Variants in SLAIN2 observed in about 807,000 individuals in gnomAD.
SLAIN2 encodes the protein SLAIN motif-containing protein 2.
A neutral mutation model predicts 56.6 loss-of-function variants in SLAIN2; 31 were observed. The ratio of observed to expected loss-of-function variants is 0.55; its 90% CI spans 0.41 to 0.74. The LOEUF (loss-of-function observed/expected upper bound fraction) is 0.74. Among genes scored for constraint, SLAIN2 ranks in the 30% least tolerant of loss-of-function variants. The probability of loss-of-function intolerance (pLI) is 0.00; values close to 1 mark genes in which losing one functional copy is unlikely to be tolerated. For synonymous variants in SLAIN2, 317 were observed against 284.9 expected (o/e 1.11, Z -1.13); for missense variants, 777 against 754.2 (o/e 1.03, Z -0.35).
At chr4:48,384,036 A>C (rs576204551) in intron 6 of SLAIN2, among the ~76,000 whole-genome samples, 3 of 152,238 alleles carry the variant, frequency 2.0e-5, no homozygotes, top group African/African-American at 7.2e-5. Context: ...CCAGAATTTT[A>C]AAATAAGCAA....
At chr4:48,342,190 C>T (rs1476244094) in intron 1 of SLAIN2, 62 bp downstream of exon 1, 2 of 1,328,088 alleles carry the variant, frequency 1.5e-6, no homozygotes, top group South Asian at 2.0e-5. Flanking sequence ...AGAGCGTCCT[C>T]TGAGGGTCCC....
chr4:48,363,732 G>T (rs1715408981), intron 1 of SLAIN2, among the ~76,000 whole-genome samples: 1 of 109,008 alleles, frequency 9.2e-6, no homozygotes, highest in Non-Finnish European at 2.2e-5. Flanking sequence ...CGGGGCGGCT[G>T]GCCAGGCGGG....
intron 1 of SLAIN2, among the ~76,000 whole-genome samples, chr4:48,366,821 G>GC (rs1553902595): frequency 6.6e-6 from 1 of 151,874 alleles, no homozygotes; most frequent in Non-Finnish European, 1.5e-5. Context: ...AGTAATGTTT[G>GC]TTTTTTTAAG....
intron 7 of SLAIN2, 89 bp downstream of exon 7, chr4:48,420,532 T>C: frequency 7.0e-7 from 1 of 1,436,666 alleles, no homozygotes; most frequent in Non-Finnish European, 9.5e-7. Flanking sequence ...TGTTTGATAG[T>C]AAACAGAAAG....
Position 48,425,503 on chromosome 4 carries a change from C to T in SLAIN2, c.*3426C>T, listed in dbSNP as rs2109795611. 1 of 152,166 alleles carries T rather than the reference C, an allele frequency of 6.6e-6. No individual in the cohort carries two copies. The highest frequency in any genetic ancestry group is 1.9e-4 in the East Asian group (1 of 5,174). The allele number at this position is 152,166 out of a possible 1,614,324, so 9.4% of individuals were successfully genotyped here. A position where few individuals can be genotyped will look rare whatever the true frequency, so the allele number is the denominator to read the frequency against. On this transcript the variant is annotated 3_prime_UTR_variant, in exon 8 of 8. Coordinates refer to ENST00000264313, the MANE Select transcript of SLAIN2 (RefSeq NM_020846.2). ...ATTGTACACTGTTTAATGAGTTCTC[C>T]ATATTCCTTTAGGAGATATTTGCTT... is the stretch of plus-strand genomic sequence containing the variant.
At chr4:48,398,807 A>T (rs534572164) in intron 6 of SLAIN2, among the ~76,000 whole-genome samples, 2 of 152,066 alleles carry the variant, frequency 1.3e-5, no homozygotes, top group African/African-American at 4.8e-5. Flanking sequence ...ATGGCTGTAG[A>T]TGTGCAGTCT....
intron 1 of SLAIN2, among the ~76,000 whole-genome samples, chr4:48,347,271 T>A (rs1243072594): frequency 1.3e-5 from 2 of 152,126 alleles, no homozygotes; most frequent in African/African-American, 2.4e-5. Flanking sequence ...AATTTTTCTG[T>A]GGACCAGGGG....
chr4:48,377,466 A>G (rs1715851979), intron 2 of SLAIN2, among the ~76,000 whole-genome samples: 1 of 151,480 alleles, frequency 6.6e-6, no homozygotes, highest in South Asian at 2.1e-4. Flanking sequence ...GGCATGAGCC[A>G]CCGTGCCTGG....
At chr4:48,404,413 T>G (rs115476221) in intron 6 of SLAIN2, among the ~76,000 whole-genome samples, 1,291 of 94,742 alleles carry the variant, frequency 0.014, 14 homozygotes, top group Non-Finnish European at 0.02. Context: ...ATACACTCAT[T>G]ATATCCTTCC....
chr4:48,366,335 A>G (rs1715519749), intron 1 of SLAIN2, among the ~76,000 whole-genome samples: 1 of 152,190 alleles, frequency 6.6e-6, no homozygotes, highest in Non-Finnish European at 1.5e-5. Flanking sequence ...GTTGGTTGAT[A>G]ATGTTGCTGA....
chr4:48,371,396 A>G lies in SLAIN2; in HGVS notation c.538+1399A>G, dbSNP rs747451154. 2.0e-5 allele frequency among the ~76,000 whole-genome samples: 3 copies of G among 152,136 alleles called. No individual in the cohort carries two copies. In the East Asian group the frequency reaches 5.8e-4, roughly 29 times the overall value. On this transcript the variant is annotated intron_variant, in intron 2 of 7. Coordinates refer to ENST00000264313, the MANE Select transcript of SLAIN2 (RefSeq NM_020846.2). ...CCAAAGAAGCACTTTTGAAAAAGCA[A>G]TAGCCTTTATGTGATTTTTTAAATG...
At position 48,383,761 on chromosome 4, in the gene SLAIN2, G is replaced by A. The variant is rs774856780; in HGVS notation, c.1337G>A (p.Arg446His). 1.1e-5 allele frequency: 17 copies of A among 1,611,874 alleles called. No individual in the cohort carries two copies. Among genetic ancestry groups the A allele is most frequent in the South Asian group, 8.8e-5 (8 of 90,746 alleles). Residue 446 changes from arginine (R) to histidine (H), a missense_variant, in exon 6 of 8, where the codon CGT becomes CAT. Arg to His is a conservative substitution (Grantham distance 29). Transcript: ENST00000264313. ...CAAGTGCCAAACGGAGGAATACCTC[G>A]TATGCAACCTCAGGCTTCAGCCAGT... ...NFQVPNGGIP[R>H]MQPQASAIPS...
chr4:48,363,630 A>C (rs1366822147), intron 1 of SLAIN2, among the ~76,000 whole-genome samples: 1 of 66,118 alleles, frequency 1.5e-5, no homozygotes, highest in Non-Finnish European at 3.1e-5. Flanking sequence ...TGACCCCCCC[A>C]CCTCCCTCCC....
chr4:48,348,414 A>C (rs1714926429), intron 1 of SLAIN2, among the ~76,000 whole-genome samples: 1 of 152,180 alleles, frequency 6.6e-6, no homozygotes, highest in South Asian at 2.1e-4. Flanking sequence ...CAGGCTGGGC[A>C]TGGTGGCTCA....
At position 48,424,898 on chromosome 4, in the gene SLAIN2, C is replaced by T. The variant is rs142576119; in HGVS notation, c.*2821C>T. On this transcript the variant is annotated 3_prime_UTR_variant, in exon 8 of 8. Coordinates refer to ENST00000264313, the MANE Select transcript of SLAIN2 (RefSeq NM_020846.2). ...TGAATGTACAGGTGTCCATTTTTGACGTTAAGCATGGTCCTTTAAGGTCAC... is the reference window on the plus strand; with the variant it reads ...TGAATGTACAGGTGTCCATTTTTGATGTTAAGCATGGTCCTTTAAGGTCAC... 2.0e-4 allele frequency: 31 copies of T among 152,120 alleles called. No homozygotes were observed. In the East Asian group the frequency reaches 5.2e-3, roughly 26 times the overall value. The allele number at this position is 152,120 out of a possible 1,614,324, so 9.4% of individuals were successfully genotyped here.
chr4:48,366,928 C>T (rs1171913703), intron 1 of SLAIN2, among the ~76,000 whole-genome samples: 1 of 152,016 alleles, frequency 6.6e-6, no homozygotes, highest in African/African-American at 2.4e-5. Flanking sequence ...TTGATTAAAT[C>T]ATATTCTATG....
At chr4:48,410,960 T>G (rs1345682629) in intron 6 of SLAIN2, among the ~76,000 whole-genome samples, 1 of 152,172 alleles carries the variant, frequency 6.6e-6, no homozygotes, top group Admixed American at 6.5e-5. Flanking sequence ...TGATGGCTCC[T>G]CCTCTTCCTC....
intron 6 of SLAIN2, among the ~76,000 whole-genome samples, chr4:48,412,512 AT>A (rs1716891233): frequency 7.0e-6 from 1 of 143,124 alleles, no homozygotes; most frequent in South Asian, 2.1e-4. Flanking sequence ...TAAAAAGTTT[AT>A]TTCTAAAAGT....
rs1178806992 is a variant in SLAIN2 at position 48,423,892 on chromosome 4, G to C, written c.*1815G>C. The C allele has an allele frequency of 2.6e-5, 4 of 151,890 alleles. No homozygotes were observed. Among genetic ancestry groups the C allele is most frequent in the Admixed American group, 6.6e-5 (1 of 15,240 alleles). 9.4% of individuals were successfully genotyped at this position (151,890 alleles called of 1,614,324 possible). A position where few individuals can be genotyped will look rare whatever the true frequency, so the allele number is the denominator to read the frequency against. On this transcript the variant is annotated 3_prime_UTR_variant, in exon 8 of 8. Transcript: ENST00000264313. ...ATAAAGCATCTTCTTTTGGGAGGGG[G>C]GTATCTCATGTCTAAGTAAGTAAAA...
Sources: allele counts gnomAD v4.1 joint callset (sites outside exome capture counted in the v4.1 genomes callset), GRCh38; gene constraint gnomAD v4.1.1; transcripts MANE v1.5; gene names NCBI Gene and HGNC (gene_info 2026-07-23, HGNC 2026-07-21).